CLYBL: variants seen among roughly 807,000 people sequenced by gnomAD.
The protein encoded by CLYBL is citramalyl-CoA lyase, also known as citramalyl-CoA lyase, mitochondrial.
In CLYBL, 31 loss-of-function variants were observed where a neutral mutation model predicts 38.9. That is an observed-to-expected ratio of 0.80 (90% CI 0.60 to 1.08). The LOEUF is 1.08. Among genes scored for constraint, CLYBL ranks in the 50% least tolerant of loss-of-function variants. CLYBL has a pLI of 0.00. For synonymous variants in CLYBL, 171 were observed against 158.6 expected, an observed-to-expected ratio of 1.08 and a Z score of -0.59; for missense variants, 434 against 411.6, an observed-to-expected ratio of 1.05 and a Z score of -0.47.
chr13:99,641,637 T>C (rs1352464242), intron 1 of CLYBL, among the ~76,000 whole-genome samples: 1 of 130,376 alleles, frequency 7.7e-6, no homozygotes, highest in African/African-American at 2.7e-5. Context: ...ACCCCATCTC[T>C]ACTAAAAATA....
chr13:99,813,503 G>A (rs1470989458), intron 2 of CLYBL, among the ~76,000 whole-genome samples: 3 of 152,212 alleles, frequency 2.0e-5, no homozygotes, highest in Non-Finnish European at 4.4e-5. Flanking sequence ...CATGGGGACA[G>A]TGTGCTGTAG....
rs1463853763 is a variant in CLYBL at position 99,891,351 on chromosome 13, A to T, written c.961A>T (p.Met321Leu). 2 of 1,613,956 alleles carry T rather than the reference A, an allele frequency of 1.2e-6. No homozygotes were observed. Among genetic ancestry groups the T allele is most frequent in the South Asian group, 1.1e-5 (1 of 91,076 alleles). Residue 321 changes from methionine (M) to leucine (L), a missense_variant, in exon 8 of 9, where the codon ATG (methionine) becomes TTG (leucine). Met to Leu is a conservative substitution (Grantham distance 15, BLOSUM62 2). Coordinates refer to ENST00000339105, the MANE Select transcript of CLYBL (RefSeq NM_206808.5). ...TACTTTCCAAGGGAGTATGATCGAC[A>T]TGCCATTACTGAAGCAGGCCCAGAA... ...AFTFQGSMID[M>L]PLLKQAQNTV...
At chr13:99,781,769 T>C (rs2049660621) in intron 2 of CLYBL, among the ~76,000 whole-genome samples, 1 of 152,216 alleles carries the variant, frequency 6.6e-6, no homozygotes, top group Admixed American at 6.6e-5. Context: ...TGATCTACCA[T>C]GGCTGGCCAG....
intron 1 of CLYBL, among the ~76,000 whole-genome samples, chr13:99,754,642 T>C (rs1478847834): frequency 6.6e-6 from 1 of 151,118 alleles, no homozygotes; most frequent in Non-Finnish European, 1.5e-5. Context: ...TGGAGTGCAG[T>C]GGCATGTTCT....
chr13:99,704,751 A>G lies in CLYBL; in HGVS notation c.63-68073A>G, dbSNP rs78792147. ...TATAATTAATTTAAAAGGAAGTAGC[A>G]GGTGATGGTAGTACACTTCATTGTC... is the stretch of plus-strand genomic sequence containing the variant. On this transcript the variant is annotated intron_variant, in intron 1 of 8. Transcript: ENST00000339105. Among the ~76,000 whole-genome samples, 650 of 152,316 alleles carry G rather than the reference A, an allele frequency of 4.3e-3. 3 individuals are homozygous for G. The highest frequency in any genetic ancestry group is 0.015 in the African/African-American group (616 of 41,568).
At chr13:99,644,262 T>C (rs926909037) in intron 1 of CLYBL, among the ~76,000 whole-genome samples, 2 of 152,072 alleles carry the variant, frequency 1.3e-5, no homozygotes, top group East Asian at 3.8e-4. Context: ...TGTATGTATG[T>C]ATATATGGTG....
At chr13:99,846,620 C>T (rs2051212074) in intron 2 of CLYBL, among the ~76,000 whole-genome samples, 2 of 152,196 alleles carry the variant, frequency 1.3e-5, no homozygotes, top group South Asian at 4.1e-4. Context: ...CCACACAAGG[C>T]AGTGCTTCCT....
intron 1 of CLYBL, among the ~76,000 whole-genome samples, chr13:99,727,864 G>T (rs2048506785): frequency 6.6e-6 from 1 of 152,112 alleles, no homozygotes; most frequent in African/African-American, 2.4e-5. Flanking sequence ...GATCACTTGA[G>T]GCCAGGAGTT....
At chr13:99,750,182 T>C (rs1358874225) in intron 1 of CLYBL, among the ~76,000 whole-genome samples, 1 of 151,734 alleles carries the variant, frequency 6.6e-6, no homozygotes, top group African/African-American at 2.4e-5. Context: ...AGAGCACAGT[T>C]ATGCTCCTGC....
chr13:99,740,301 A>C (rs137895221), intron 1 of CLYBL, among the ~76,000 whole-genome samples: 5 of 152,358 alleles, frequency 3.3e-5, no homozygotes, highest in African/African-American at 1.2e-4. Flanking sequence ...GTAAATACAC[A>C]ATCAGCATGT....
intron 1 of CLYBL, among the ~76,000 whole-genome samples, chr13:99,755,304 T>C (rs2049042977): frequency 6.6e-6 from 1 of 152,198 alleles, no homozygotes; most frequent in South Asian, 2.1e-4. Flanking sequence ...CATGGCAGCC[T>C]TCCCTGTGGG....
At chr13:99,676,169 C>CTTCT (rs1453279424) in intron 1 of CLYBL, among the ~76,000 whole-genome samples, 9 of 147,766 alleles carry the variant, frequency 6.1e-5, no homozygotes, top group Middle Eastern at 3.5e-3. Context: ...GACTGGCTTC[C>CTTCT]TTCCTTCCCT....
At chr13:99,650,662 T>C (rs1029531308) in intron 1 of CLYBL, among the ~76,000 whole-genome samples, 6 of 152,192 alleles carry the variant, frequency 3.9e-5, no homozygotes, top group African/African-American at 1.4e-4. Context: ...TTCCTCGTCC[T>C]GTAGCTGAAA....
chr13:99,756,850 C>A (rs4340181), intron 1 of CLYBL, among the ~76,000 whole-genome samples: 82,488 of 152,040 alleles, frequency 0.54, 23,747 homozygotes, highest in Middle Eastern at 0.67. Context: ...AATGGACATG[C>A]GCTTCTTTGA....
intron 2 of CLYBL, among the ~76,000 whole-genome samples, chr13:99,779,906 AC>A (rs1320571081): frequency 2.0e-5 from 3 of 152,174 alleles, no homozygotes; most frequent in African/African-American, 7.2e-5. Context: ...ATGACCAACT[AC>A]ATTAGCCATT....
intron 9 of CLYBL, among the ~76,000 whole-genome samples, chr13:99,907,123 A>G (rs2052705689): frequency 6.6e-6 from 1 of 152,212 alleles, no homozygotes; most frequent in Admixed American, 6.5e-5. Flanking sequence ...AGGTGATAAG[A>G]AAGTGCTTTT....
At chr13:99,862,157 A>C (rs1055094046) in intron 3 of CLYBL, among the ~76,000 whole-genome samples, 2 of 152,302 alleles carry the variant, frequency 1.3e-5, no homozygotes, top group South Asian at 2.1e-4. Flanking sequence ...TATTCCTTAA[A>C]TTTAAAATGG....
At chr13:99,880,068 A>ATATATATATT (rs34063235) in intron 7 of CLYBL, among the ~76,000 whole-genome samples, 36 of 101,182 alleles carry the variant, frequency 3.6e-4, no homozygotes, top group South Asian at 9.6e-4. Context: ...ATATATATAT[A>ATATATATATT]TTTTTTTTTT....
rs74875156 is a variant in CLYBL, at chr13:99,853,486, C to G, written c.250-5375C>G. Among the ~76,000 whole-genome samples the G allele has an allele frequency of 4.7e-4, 71 of 152,250 alleles. No individual in the cohort carries two copies. The East Asian group carries it at 0.013, about 28-fold the overall frequency. Reference sequence around the variant, plus strand: ...CACATACAATTTTAAGCCAGTTAACCTACAGTATGCTCAATATTGTTATAG... The same window carrying G: ...CACATACAATTTTAAGCCAGTTAACGTACAGTATGCTCAATATTGTTATAG... On this transcript the variant is annotated intron_variant, in intron 2 of 8. Coordinates refer to ENST00000339105, the MANE Select transcript of CLYBL (RefSeq NM_206808.5).
Sources: gnomAD v4.1 joint callset for allele counts (sites outside exome capture counted in the v4.1 genomes callset) on GRCh38, gnomAD v4.1.1 for gene constraint, MANE v1.5 for transcripts, NCBI Gene and HGNC (gene_info 2026-07-23, HGNC 2026-07-21) for gene names.